Variants in SLC44A5 observed in about 807,000 individuals in gnomAD.
SLC44A5 encodes solute carrier family 44 member 5, also known as choline transporter-like protein 5.
In SLC44A5, 57 loss-of-function variants were observed where a neutral mutation model predicts 101.8. The observed-to-expected ratio is 0.56, with a 90% confidence interval of 0.45 to 0.70. SLC44A5 has a LOEUF of 0.70. Ranked by LOEUF, SLC44A5 falls within the 30% of genes least tolerant of loss-of-function variation. The probability of loss-of-function intolerance (pLI) is 0.00; values close to 1 mark genes in which losing one functional copy is unlikely to be tolerated. For missense variants in SLC44A5, 737 were observed against 853.1 expected (o/e 0.86, Z 1.70); for synonymous variants, 281 against 290.9 (o/e 0.97, Z 0.35).
Position 75,585,606 on chromosome 1 carries a change from C to T in SLC44A5, c.-70+25434G>A, listed in dbSNP as rs80016156. Among the ~76,000 whole-genome samples, 40 of 152,212 alleles carry T rather than the reference C, an allele frequency of 2.6e-4. 1 individual carries two copies. In the East Asian group the frequency reaches 7.0e-3, roughly 26 times the overall value. ...CCACAGCTGAGAACCACTATGCTCCCTCTGAGGGCTGTTGTGAGGATTAAA... is the reference window on the plus strand; with the variant it reads ...CCACAGCTGAGAACCACTATGCTCCTTCTGAGGGCTGTTGTGAGGATTAAA... On this transcript the variant is annotated intron_variant, in intron 1 of 23. Transcript: ENST00000370859.
chr1:75,505,448 C>T (rs566774739), intron 2 of SLC44A5, among the ~76,000 whole-genome samples: 76 of 152,112 alleles, frequency 5.0e-4, no homozygotes, highest in Admixed American at 9.2e-4. Context: ...TCCACAGTGG[C>T]TGAACTAATT....
chr1:75,270,819 C>T (rs770490062), intron 6 of SLC44A5, among the ~76,000 whole-genome samples: 7 of 152,030 alleles, frequency 4.6e-5, no homozygotes, highest in African/African-American at 1.4e-4. Flanking sequence ...TTGTATTAAG[C>T]GAAGCCTATC....
At chr1:75,367,604 C>T (rs1290407586) in intron 3 of SLC44A5, among the ~76,000 whole-genome samples, 1 of 152,188 alleles carries the variant, frequency 6.6e-6, no homozygotes, top group Non-Finnish European at 1.5e-5. Flanking sequence ...TGTCAGCAGG[C>T]CTGTTACCTG....
the SLC44A5 span, among the ~76,000 whole-genome samples, chr1:75,675,519 C>T: frequency 5.9e-5 from 9 of 152,066 alleles, no homozygotes; most frequent in African/African-American, 2.2e-4. Context: ...TGGACTGAGA[C>T]GATCACTCCC....
the SLC44A5 span, among the ~76,000 whole-genome samples, chr1:75,680,270 C>G: frequency 6.6e-6 from 1 of 151,770 alleles, no homozygotes; most frequent in African/African-American, 2.4e-5. Flanking sequence ...ACCTAATAGA[C>G]ATCTACAGAA....
the SLC44A5 span, among the ~76,000 whole-genome samples, chr1:75,714,325 A>G: frequency 6.6e-6 from 1 of 152,310 alleles, no homozygotes; most frequent in East Asian, 1.9e-4. Context: ...GATAAAAGTC[A>G]ACATTCCGTC....
chr1:75,710,530 C>T, the SLC44A5 span: 1 of 136,974 alleles, frequency 7.3e-6, no homozygotes, highest in Non-Finnish European at 1.5e-5. Flanking sequence ...CACCTCTGCA[C>T]TCCAGCCTGG....
chr1:75,443,040 C>G (rs1322805345), intron 2 of SLC44A5, among the ~76,000 whole-genome samples: 1 of 152,082 alleles, frequency 6.6e-6, no homozygotes, highest in Admixed American at 6.6e-5. Flanking sequence ...CTATTGCATA[C>G]TGAAACTTGT....
upstream of SLC44A5, among the ~76,000 whole-genome samples, chr1:75,615,478 C>CACACA (rs1675839507): frequency 7.2e-6 from 1 of 138,378 alleles, no homozygotes; most frequent in Admixed American, 7.2e-5. Context: ...CACACACACA[C>CACACA]GAGAGGGAGA....
At chr1:75,405,218 G>A (rs998401419) in intron 2 of SLC44A5, among the ~76,000 whole-genome samples, 1 of 152,142 alleles carries the variant, frequency 6.6e-6, no homozygotes, top group African/African-American at 2.4e-5. Flanking sequence ...AGTTCTTAGA[G>A]ACCTACAAAG....
chr1:75,712,209 C>T, the SLC44A5 span, among the ~76,000 whole-genome samples: 1 of 152,180 alleles, frequency 6.6e-6, no homozygotes, highest in Non-Finnish European at 1.5e-5. Flanking sequence ...AATCTCAGCT[C>T]CTTCACCTAT....
At chr1:75,705,832 C>G in the SLC44A5 span, among the ~76,000 whole-genome samples, 772 of 152,182 alleles carry the variant, frequency 5.1e-3, 3 homozygotes, top group Non-Finnish European at 7.8e-3. Context: ...AGGTGCACCA[C>G]CACGCCGGAC....
At chr1:75,705,854 T>G in the SLC44A5 span, among the ~76,000 whole-genome samples, 2 of 152,148 alleles carry the variant, frequency 1.3e-5, no homozygotes, top group African/African-American at 4.8e-5. Context: ...AATTTTTGTA[T>G]TTTTAGTAGA....
chr1:75,236,134 A>G (rs1648055364), intron 11 of SLC44A5, among the ~76,000 whole-genome samples: 1 of 152,212 alleles, frequency 6.6e-6, no homozygotes, highest in South Asian at 2.1e-4. Flanking sequence ...ACAGGATTTG[A>G]TAGTCTAGGG....
chr1:75,440,965 A>G (rs1170708537), intron 2 of SLC44A5, among the ~76,000 whole-genome samples: 1 of 151,054 alleles, frequency 6.6e-6, no homozygotes, highest in African/African-American at 2.4e-5. Flanking sequence ...TTAAATAATG[A>G]TAATGACAAT....
intron 3 of SLC44A5, among the ~76,000 whole-genome samples, chr1:75,374,582 C>T (rs1249805): frequency 0.63 from 96,246 of 152,068 alleles, 32,129 homozygotes; most frequent in East Asian, 0.96. Context: ...CCCAGGGCAC[C>T]GCTGCACATG....
At chr1:75,223,319 G>A (rs1043735114) in intron 13 of SLC44A5, among the ~76,000 whole-genome samples, 11 of 152,012 alleles carry the variant, frequency 7.2e-5, no homozygotes, top group Admixed American at 3.3e-4. Context: ...GCCTGTTCCC[G>A]TTTTCTTTTC....
chr1:75,524,270 T>G (rs1309750277), intron 2 of SLC44A5, among the ~76,000 whole-genome samples: 1 of 152,146 alleles, frequency 6.6e-6, no homozygotes, highest in Non-Finnish European at 1.5e-5. Flanking sequence ...ACACCATGAT[T>G]GTAAGTTCCC....
intron 2 of SLC44A5, among the ~76,000 whole-genome samples, chr1:75,413,793 GATA>G (rs1297520005): frequency 6.6e-6 from 1 of 152,112 alleles, no homozygotes; most frequent in Non-Finnish European, 1.5e-5. Context: ...AGAAATCACT[GATA>G]ATTCTGAGAA....
Sources: allele counts gnomAD v4.1 joint callset (sites outside exome capture counted in the v4.1 genomes callset), GRCh38; gene constraint gnomAD v4.1.1; transcripts MANE v1.5; gene names NCBI Gene and HGNC (gene_info 2026-07-23, HGNC 2026-07-21).